The following MGAM2 variants were observed in gnomAD, a reference collection of about 807,000 sequenced individuals.
MGAM2 encodes the protein maltase-glucoamylase 2 (putative).
A neutral mutation model predicts 96.1 loss-of-function variants in MGAM2; 98 were observed. The ratio of observed to expected loss-of-function variants is 1.02; its 90% CI spans 0.87 to 1.21. The LOEUF (loss-of-function observed/expected upper bound fraction) is 1.21. MGAM2 is among the 50% of genes most tolerant of loss of function. The pLI is 0.00. For synonymous variants in MGAM2, 749 were observed against 414.8 expected (o/e 1.81, Z -9.79); for missense variants, 2,055 against 1,182.4 (o/e 1.74, Z -10.82).
chr7:142,190,127 A>G (rs1237717432), intron 37 of MGAM2, among the ~76,000 whole-genome samples: 1 of 151,818 alleles, frequency 6.6e-6, no homozygotes, highest in African/African-American at 2.4e-5. Context: ...GTGAATATTT[A>G]TGTGCAAGAT....
In MGAM2 at chr7:142,153,817, A is replaced by G. The variant is rs188998523; in HGVS notation, c.1635-201A>G. 2.6e-5 allele frequency among the ~76,000 whole-genome samples: 4 copies of G among 152,356 alleles called. No homozygotes were observed. The East Asian group carries it at 7.7e-4, about 29-fold the overall frequency. On this transcript the variant is annotated intron_variant, in intron 15 of 47. Transcript: ENST00000477922. ...TGGGGGCTAGAATATAGAGGTTTGT[A>G]CTGTCTTATATGAGATCTGAAATCT...
chr7:142,194,688 ATGTGTGTATGTGTGTGTGTGTG>A (rs1308873571), intron 37 of MGAM2, among the ~76,000 whole-genome samples: 2 of 112,164 alleles, frequency 1.8e-5, no homozygotes, highest in African/African-American at 3.6e-5. Context: ...TTAATAGAAC[ATGTGTGTATGTGTGTGTGTGTG>A]TGTGTGTGTG....
rs1795062363 is a variant in MGAM2 at position 142,136,447 on chromosome 7, G to A, written c.748-94G>A. 8.2e-6 allele frequency: 4 copies of A among 486,326 alleles called. No homozygotes were observed. In the East Asian group the frequency reaches 1.3e-4, roughly 15 times the overall value. The allele number at this position is 486,326 out of a possible 1,614,324, so 30.1% of individuals were successfully genotyped here. A position where few individuals can be genotyped will look rare whatever the true frequency, so the allele number is the denominator to read the frequency against. ...TTAAACTACATGAAGTGTTGACCAAGTATATGTTATAGATGGCTTTTGAAT... is the reference window on the plus strand; with the variant it reads ...TTAAACTACATGAAGTGTTGACCAAATATATGTTATAGATGGCTTTTGAAT... On this transcript the variant is annotated intron_variant, in intron 7 of 47. Transcript: ENST00000477922.
chr7:142,140,465 T>C (rs1378563983), intron 10 of MGAM2, among the ~76,000 whole-genome samples: 14 of 152,318 alleles, frequency 9.2e-5, no homozygotes, highest in Non-Finnish European at 1.9e-4. Flanking sequence ...ATTAATAATA[T>C]GATTCATTCA....
At chr7:142,197,338 C>A in intron 40 of MGAM2, 62 bp from the exon 41 acceptor site, 1 of 679,324 alleles carries the variant, frequency 1.5e-6, no homozygotes, top group South Asian at 1.6e-5. Context: ...TGATTCTTTT[C>A]TGATGCCACT....
At position 142,196,231 on chromosome 7, in the gene MGAM2, G is replaced by C; in HGVS notation, c.4424G>C (p.Gly1475Ala). ...TTTCCCTCTTCTGGACGCTGGGGAG[G>C]ACACCGGTTGGGAAACAACACAGCT... ...STFPSSGRWG[G>A]HRLGNNTAAW... Residue 1475 changes from glycine (G) to alanine (A), a missense_variant, in exon 38 of 48, where the codon GGA (glycine) becomes GCA (alanine). Physicochemically the swap from Gly to Ala is moderately conservative, Grantham distance 60 (BLOSUM62 0). Coordinates refer to ENST00000477922, the MANE Select transcript of MGAM2 (RefSeq NM_001293626.2). 1.0e-6 allele frequency: 1 copy of C among 994,668 alleles called. No individual in the cohort carries two copies. Among genetic ancestry groups the C allele is most frequent in the South Asian group, 1.4e-5 (1 of 73,034 alleles). 61.6% of individuals were successfully genotyped at this position (994,668 alleles called of 1,614,324 possible).
At chr7:142,150,957 A>C (rs1795562972) in intron 15 of MGAM2, among the ~76,000 whole-genome samples, 1 of 152,154 alleles carries the variant, frequency 6.6e-6, no homozygotes, top group Non-Finnish European at 1.5e-5. Flanking sequence ...AAATATGCTT[A>C]TCTATAAAAC....
At chr7:142,181,463 T>C (rs1378954222) in intron 32 of MGAM2, among the ~76,000 whole-genome samples, 4 of 152,206 alleles carry the variant, frequency 2.6e-5, no homozygotes, top group Non-Finnish European at 5.9e-5. Context: ...CAGGCCTCTT[T>C]CATATTTCAG....
In MGAM2 at chr7:142,136,579, G is replaced by A. The variant is rs1292762752; in HGVS notation, c.786G>A (p.Leu262=). ...INLYGAHTFF[L]CLEDARGSSF... ...TGTATGGAGCTCATACATTCTTCTT[G>A]TGCCTTGAAGATGCCAGGGGCTCCT... Residue 262 remains leucine (L), a synonymous_variant, in exon 8 of 48, where the codon TTG becomes TTA. Transcript: ENST00000477922. 1.4e-6 allele frequency: 1 copy of A among 702,354 alleles called. No homozygotes were observed. Among genetic ancestry groups the A allele is most frequent in the African/African-American group, 1.7e-5 (1 of 57,184 alleles). The allele number at this position is 702,354 out of a possible 1,614,324, so 43.5% of individuals were successfully genotyped here.
At chr7:142,167,084 C>T (rs1796048682) in intron 25 of MGAM2, among the ~76,000 whole-genome samples, 184 bp from the exon 26 acceptor site, 1 of 152,190 alleles carries the variant, frequency 6.6e-6, no homozygotes, top group African/African-American at 2.4e-5. Flanking sequence ...AGAAACCCTA[C>T]TTCCAAATAG....
chr7:142,163,462 A>AGATGAGGTTT, intron 23 of MGAM2, among the ~76,000 whole-genome samples: 1 of 152,250 alleles, frequency 6.6e-6, no homozygotes, highest in Non-Finnish European at 1.5e-5. Flanking sequence ...TTGTATTTTT[A>AGATGAGGTTT]GTACAGATGA....
intron 32 of MGAM2, among the ~76,000 whole-genome samples, chr7:142,176,032 G>A (rs1796364222): frequency 6.6e-6 from 1 of 151,012 alleles, no homozygotes; most frequent in South Asian, 2.1e-4. Context: ...AACTGTCACT[G>A]GAATATAATT....
At chr7:142,161,721 A>G (rs1480333311) in intron 22 of MGAM2, among the ~76,000 whole-genome samples, 1 of 152,238 alleles carries the variant, frequency 6.6e-6, no homozygotes, top group Non-Finnish European at 1.5e-5. Flanking sequence ...ACATAGATAA[A>G]TACAATGCAA....
intron 46 of MGAM2, among the ~76,000 whole-genome samples, chr7:142,217,977 A>G (rs543522569): frequency 1.3e-5 from 2 of 152,062 alleles, no homozygotes; most frequent in Non-Finnish European, 2.9e-5. Context: ...CCAGCTGCTT[A>G]GGAGGCTGAG....
intron 35 of MGAM2, 31 bp from the exon 36 acceptor site, chr7:142,187,719 G>A (rs1796742437): frequency 1.4e-6 from 1 of 701,454 alleles, no homozygotes; most frequent in Non-Finnish European, 2.6e-6. Flanking sequence ...CCCCTGACAT[G>A]ACGAGATCTT....
chr7:142,123,748 G>A (rs1335622585), intron 3 of MGAM2, among the ~76,000 whole-genome samples: 1 of 151,988 alleles, frequency 6.6e-6, no homozygotes, highest in African/African-American at 2.4e-5. Flanking sequence ...GACTGTTGAT[G>A]ACAAATAGCT....
chr7:142,144,196 C>CA (rs1795317920), intron 13 of MGAM2, among the ~76,000 whole-genome samples: 1 of 152,052 alleles, frequency 6.6e-6, no homozygotes, highest in Non-Finnish European at 1.5e-5. Flanking sequence ...CTATTTGTAG[C>CA]ATTGATTCAT....
rs1330943876 is a variant in MGAM2 at position 142,114,130 on chromosome 7, CAAAA to C, written c.-1+2327_-1+2330del. 1.5e-3 allele frequency among the ~76,000 whole-genome samples: 122 copies of C among 83,616 alleles called. 1 individual carries two copies. Among genetic ancestry groups the C allele is most frequent in the Admixed American group, 9.3e-3 (61 of 6,532 alleles). 54.9% of individuals were successfully genotyped at this position (83,616 alleles called of 152,430 possible). On this transcript the variant is annotated intron_variant, in intron 1 of 47. Transcript: ENST00000477922. ...AGGGCAACAGAGCGAGACTCCATCT[CAAAA>C]AAAGAAAGAAAGAAAGAAGGAAAGA...
At chr7:142,202,176 A>G (rs1163665324) in intron 45 of MGAM2, among the ~76,000 whole-genome samples, 1 of 152,210 alleles carries the variant, frequency 6.6e-6, no homozygotes, top group Non-Finnish European at 1.5e-5. Flanking sequence ...TCCTGGAAGG[A>G]AGGATCAGGA....
Sources: allele counts gnomAD v4.1 joint callset (sites outside exome capture counted in the v4.1 genomes callset), GRCh38; gene constraint gnomAD v4.1.1; transcripts MANE v1.5; gene names NCBI Gene and HGNC (gene_info 2026-07-23, HGNC 2026-07-21).